Variants in CORIN observed in about 807,000 individuals in gnomAD.
The protein encoded by CORIN is atrial natriuretic peptide-converting enzyme.
CORIN carries 117 observed loss-of-function variants against 125.3 expected under a neutral mutation model. The ratio of observed to expected loss-of-function variants is 0.93; its 90% CI spans 0.80 to 1.09. The LOEUF is 1.09. CORIN is among the 50% of genes least tolerant of loss of function. CORIN has a pLI of 0.00. For missense variants in CORIN, 1,253 were observed against 1,306.7 expected (o/e 0.96, Z 0.63); for synonymous variants, 450 against 466.4 (o/e 0.96, Z 0.45).
chr4:47,728,428 T>A (rs1727700200), intron 5 of CORIN, among the ~76,000 whole-genome samples: 1 of 152,144 alleles, frequency 6.6e-6, no homozygotes, highest in Non-Finnish European at 1.5e-5. Context: ...AAAACCAGCA[T>A]TTTGTTTTTC....
intron 19 of CORIN, among the ~76,000 whole-genome samples, chr4:47,604,357 T>G (rs1721565087): frequency 6.6e-6 from 1 of 152,158 alleles, no homozygotes; most frequent in African/African-American, 2.4e-5. Context: ...CTATTCTCAC[T>G]CCATACTCCC....
chr4:47,690,885 G>T (rs1435214106), intron 6 of CORIN, among the ~76,000 whole-genome samples: 1 of 152,172 alleles, frequency 6.6e-6, no homozygotes, highest in Non-Finnish European at 1.5e-5. Flanking sequence ...GTCCTTGTAA[G>T]GTCAAAAACA....
At position 47,786,834 on chromosome 4, in the gene CORIN, A is replaced by G. The variant is rs1560548590; in HGVS notation, c.300T>C (p.Asn100=). Residue 100 remains asparagine, a synonymous_variant, in exon 3 of 22, where the codon AAT becomes AAC. Transcript: ENST00000273857. ...EIQGSDVILT[N]TIYNQSTVVS... The stretch of plus-strand genomic sequence containing the variant: ...CCACAGTGCTCTGGTTATAAATTGT[A>G]TTTGTAAGAATAACATCGGACCCTT... 6.2e-7 allele frequency: 1 copy of G among 1,613,956 alleles called. No individual in the cohort carries two copies. The highest frequency in any genetic ancestry group is 8.5e-7 in the Non-Finnish European group (1 of 1,179,862).
chr4:47,721,961 A>T (rs964618138), intron 5 of CORIN, among the ~76,000 whole-genome samples: 4 of 152,190 alleles, frequency 2.6e-5, no homozygotes, highest in African/African-American at 9.7e-5. Context: ...TTGATTTTTT[A>T]TTCTACAAAT....
chr4:47,795,554 T>C (rs1731254726), intron 2 of CORIN, among the ~76,000 whole-genome samples: 1 of 151,906 alleles, frequency 6.6e-6, no homozygotes, highest in African/African-American at 2.4e-5. Flanking sequence ...TTAACAAGGA[T>C]TTCTTAGACA....
At chr4:47,715,826 T>C (rs1428798120) in intron 5 of CORIN, among the ~76,000 whole-genome samples, 3 of 152,184 alleles carry the variant, frequency 2.0e-5, no homozygotes, top group Admixed American at 6.5e-5. Context: ...GAAATACCTA[T>C]GCTGCAATAT....
intron 3 of CORIN, among the ~76,000 whole-genome samples, chr4:47,776,608 T>C (rs572108344): frequency 1.3e-5 from 2 of 152,314 alleles, no homozygotes; most frequent in South Asian, 2.1e-4. Context: ...TATAAACACA[T>C]AGCCACAACA....
chr4:47,756,684 G>T (rs9942274), intron 4 of CORIN, among the ~76,000 whole-genome samples: 8,491 of 152,264 alleles, frequency 0.056, 742 homozygotes, highest in African/African-American at 0.19. Context: ...ATTAAGAATA[G>T]TTGTTTAGGA....
intron 19 of CORIN, among the ~76,000 whole-genome samples, chr4:47,619,584 T>G (rs1374581332): frequency 6.6e-6 from 1 of 152,242 alleles, no homozygotes; most frequent in Non-Finnish European, 1.5e-5. Flanking sequence ...TTTGTTAAAT[T>G]TAGTGTTTCA....
chr4:47,739,452 T>A (rs1291517783), intron 5 of CORIN, among the ~76,000 whole-genome samples: 1 of 151,900 alleles, frequency 6.6e-6, no homozygotes, highest in Non-Finnish European at 1.5e-5. Context: ...CAGCAAAATA[T>A]CCTTTCAAAA....
intron 9 of CORIN, among the ~76,000 whole-genome samples, chr4:47,676,978 T>A (rs1267041058): frequency 6.6e-6 from 1 of 152,228 alleles, no homozygotes; most frequent in East Asian, 1.9e-4. Context: ...AGCTCTCCCT[T>A]TAGGTCTTGG....
At chr4:47,769,193 T>G (rs530700403) in intron 3 of CORIN, among the ~76,000 whole-genome samples, 28 of 151,934 alleles carry the variant, frequency 1.8e-4, no homozygotes, top group Non-Finnish European at 5.9e-5. Flanking sequence ...AAAATAAACT[T>G]AAATTAAAAA....
intron 2 of CORIN, 46 bp downstream of exon 2, chr4:47,806,857 A>C (rs1210773537): frequency 6.4e-7 from 1 of 1,565,596 alleles, no homozygotes; most frequent in Non-Finnish European, 8.6e-7. Flanking sequence ...AGATCATGCT[A>C]ATTTTCACTT....
chr4:47,597,351 CAAA>C (rs11420411), intron 21 of CORIN, among the ~76,000 whole-genome samples: 4 of 117,900 alleles, frequency 3.4e-5, no homozygotes. Flanking sequence ...AACTCCATCT[CAAA>C]AAAAAAAAAA....
At chr4:47,721,475 G>A (rs1727348599) in intron 5 of CORIN, among the ~76,000 whole-genome samples, 1 of 152,098 alleles carries the variant, frequency 6.6e-6, no homozygotes, top group Admixed American at 6.5e-5. Flanking sequence ...TGCCATGTTG[G>A]CCAGGCTGGT....
At position 47,823,459 on chromosome 4, in the gene CORIN, G is replaced by T. The variant is rs1650312058; in HGVS notation, c.63+14428C>A. Among the ~76,000 whole-genome samples the T allele has an allele frequency of 1.3e-5, 2 of 152,188 alleles. 1 individual carries two copies. Among genetic ancestry groups the T allele is most frequent in the South Asian group, 4.1e-4 (2 of 4,832 alleles). On this transcript the variant is annotated intron_variant, in intron 1 of 21. Coordinates refer to ENST00000273857, the MANE Select transcript of CORIN (RefSeq NM_006587.4). ...TTGGTATGCATATGATGTGCTCATT[G>T]TTCCTGGGGTGGTGTTGTTCCCAGT...
intron 7 of CORIN, chr4:47,682,168 G>C (rs1169920059): frequency 2.0e-5 from 3 of 152,920 alleles, no homozygotes; most frequent in Non-Finnish European, 4.4e-5. Flanking sequence ...TTGCTGCCAG[G>C]TGCGGTGGCT....
chr4:47,642,770 G>A, intron 15 of CORIN: 1 of 1,254,396 alleles, frequency 8.0e-7, no homozygotes, highest in Non-Finnish European at 1.1e-6. Flanking sequence ...TGTAGGGAAG[G>A]CAGAGGGGCC....
intron 15 of CORIN, 93 bp from the exon 16 acceptor site, chr4:47,642,142 A>C: frequency 7.7e-7 from 1 of 1,290,782 alleles, no homozygotes; most frequent in Non-Finnish European, 1.1e-6. Flanking sequence ...ATTGGCATAC[A>C]TTCATTTTCA....
Sources: allele counts gnomAD v4.1 joint callset (sites outside exome capture counted in the v4.1 genomes callset), GRCh38; gene constraint gnomAD v4.1.1; transcripts MANE v1.5; gene names NCBI Gene and HGNC (gene_info 2026-07-23, HGNC 2026-07-21).